Variants in HHIPL1 observed in about 807,000 individuals in gnomAD.
HHIPL1 encodes the protein HHIP-like protein 1.
Under a neutral mutation model 61.8 loss-of-function variants are expected in HHIPL1, and 43 were observed. The ratio of observed to expected loss-of-function variants is 0.70; its 90% confidence interval spans 0.55 to 0.90. The LOEUF (loss-of-function observed/expected upper bound fraction) is 0.90. HHIPL1 is among the 40% of genes least tolerant of loss of function. HHIPL1 has a pLI of 0.00. For missense variants in HHIPL1, 1,056 were observed against 1,157.7 expected (o/e 0.91, Z 1.28); for synonymous variants, 482 against 515.8 (o/e 0.93, Z 0.89).
At chr14:99,606,638 T>C in the HHIPL1 span, among the ~76,000 whole-genome samples, 4 of 152,186 alleles carry the variant, frequency 2.6e-5, no homozygotes, top group Non-Finnish European at 5.9e-5. Flanking sequence ...AAGTGAAGCC[T>C]CTATCTAGGT....
chr14:99,637,441 G>C, the HHIPL1 span, among the ~76,000 whole-genome samples: 2 of 151,830 alleles, frequency 1.3e-5, no homozygotes, highest in Non-Finnish European at 2.9e-5. Context: ...GCGTGATGGC[G>C]GGTGCCTCTA....
At chr14:99,642,767 G>A (rs546820819), upstream of HHIPL1, among the ~76,000 whole-genome samples, 11 of 151,996 alleles carry the variant, frequency 7.2e-5, no homozygotes, top group South Asian at 2.1e-4. Context: ...ATCGTGATCC[G>A]CCCACCTTGG....
the HHIPL1 span, among the ~76,000 whole-genome samples, chr14:99,638,906 G>A: frequency 1.3e-5 from 2 of 152,352 alleles, no homozygotes; most frequent in African/African-American, 4.8e-5. Flanking sequence ...GCTCCAGATG[G>A]CATTTGGTGG....
intron 3 of HHIPL1, among the ~76,000 whole-genome samples, chr14:99,658,436 G>A (rs562594179): frequency 3.9e-5 from 6 of 152,188 alleles, no homozygotes; most frequent in East Asian, 1.9e-4. Context: ...GGGTGGGAGC[G>A]TTTCATCACC....
intron 5 of HHIPL1, among the ~76,000 whole-genome samples, chr14:99,662,281 G>T (rs975856986): frequency 1.3e-5 from 2 of 152,158 alleles, no homozygotes; most frequent in East Asian, 3.9e-4. Flanking sequence ...CTTCACAGAG[G>T]AGGGGACATC....
intron 3 of HHIPL1, among the ~76,000 whole-genome samples, chr14:99,658,602 C>T (rs2056089355): frequency 6.6e-6 from 1 of 151,890 alleles, no homozygotes. Flanking sequence ...GAAACTGATG[C>T]ATTCAGTCGG....
chr14:99,607,762 G>A, the HHIPL1 span, among the ~76,000 whole-genome samples: 515 of 98,692 alleles, frequency 5.2e-3, 7 homozygotes, highest in South Asian at 0.033. Context: ...CTCTCAGTAC[G>A]TGACAGATTG....
the HHIPL1 span, among the ~76,000 whole-genome samples, chr14:99,612,904 C>T: frequency 2.6e-4 from 40 of 152,296 alleles, no homozygotes; most frequent in South Asian, 7.1e-3. Context: ...CTCACAAAGC[C>T]GCCCCACCTG....
chr14:99,637,050 GGAAGGAAGGAAAAA>G, the HHIPL1 span, among the ~76,000 whole-genome samples: 31 of 44,154 alleles, frequency 7.0e-4, no homozygotes, highest in African/African-American at 1.9e-3. Flanking sequence ...AAAGAAAGAA[GGAAGGAAGGAAAAA>G]AGAAAGAAAG....
rs938189036 is a variant in HHIPL1 at position 99,652,659 on chromosome 14, C to T, written c.691C>T (p.Pro231Ser). The change falls in exon 2 of 9, where the codon CCT becomes TCT. Residue 231 changes from proline (P) to serine (S), a missense_variant. Physicochemically the swap from Pro to Ser is moderately conservative, Grantham distance 74. Coordinates refer to ENST00000330710, the MANE Select transcript of HHIPL1 (RefSeq NM_001127258.3). ...YLPDRSRLGKPFLNISRVVLT... is the reference protein window; with the variant it reads ...YLPDRSRLGKSFLNISRVVLT... ...GCCCGACCGCTCGAGGCTGGGGAAGCCTTTCCTGAACATCAGCCGGGTGGT... is the reference window on the plus strand; with the variant it reads ...GCCCGACCGCTCGAGGCTGGGGAAGTCTTTCCTGAACATCAGCCGGGTGGT... 3.1e-6 allele frequency: 5 copies of T among 1,613,806 alleles called. No homozygotes were observed. Among genetic ancestry groups the T allele is most frequent in the Non-Finnish European group, 4.2e-6 (5 of 1,179,922 alleles).
At chr14:99,615,633 GAGAA>G in the HHIPL1 span, among the ~76,000 whole-genome samples, 211 of 93,522 alleles carry the variant, frequency 2.3e-3, 1 homozygote, top group African/African-American at 9.2e-3. Flanking sequence ...AAGGAAGAAA[GAGAA>G]AGAAAGGAAG....
At chr14:99,672,066 C>T (rs1440865373) in intron 7 of HHIPL1, among the ~76,000 whole-genome samples, 1 of 152,210 alleles carries the variant, frequency 6.6e-6, no homozygotes, top group Non-Finnish European at 1.5e-5. Flanking sequence ...AGTAAGCCTC[C>T]AGCCCTGGTG....
chr14:99,616,495 C>T, the HHIPL1 span, among the ~76,000 whole-genome samples: 12 of 152,084 alleles, frequency 7.9e-5, no homozygotes, highest in African/African-American at 2.4e-4. Flanking sequence ...CCTCCTCATC[C>T]GTAAGAGAAA....
the HHIPL1 span, among the ~76,000 whole-genome samples, chr14:99,607,395 G>A: frequency 6.6e-6 from 1 of 152,076 alleles, no homozygotes; most frequent in Non-Finnish European, 1.5e-5. Context: ...TACTGTAGGT[G>A]CCCAGGGAAA....
the HHIPL1 span, among the ~76,000 whole-genome samples, chr14:99,630,330 A>G: frequency 6.6e-6 from 1 of 152,194 alleles, no homozygotes; most frequent in Non-Finnish European, 1.5e-5. Flanking sequence ...AGTCCCTGTC[A>G]TTCCATCGCG....
At chr14:99,625,669 A>G in the HHIPL1 span, 6 of 152,184 alleles carry the variant, frequency 3.9e-5, no homozygotes, top group African/African-American at 1.4e-4. Flanking sequence ...TCCAATGCCC[A>G]TCTGCCCTGG....
At chr14:99,661,851 C>T (rs1255740658) in intron 5 of HHIPL1, among the ~76,000 whole-genome samples, 1 of 152,088 alleles carries the variant, frequency 6.6e-6, no homozygotes, top group Admixed American at 6.5e-5. Flanking sequence ...CATGAAGATG[C>T]CTGAAGCTAG....
intron 5 of HHIPL1, among the ~76,000 whole-genome samples, chr14:99,661,438 G>A (rs1389931546): frequency 6.6e-6 from 1 of 151,740 alleles, no homozygotes; most frequent in East Asian, 1.9e-4. Context: ...AGGAAGGAAG[G>A]AAGGAAGGAA....
At chr14:99,637,228 G>GAAAGAA in the HHIPL1 span, among the ~76,000 whole-genome samples, 1 of 145,068 alleles carries the variant, frequency 6.9e-6, no homozygotes, top group Non-Finnish European at 1.5e-5. Context: ...AAGAAAGAAA[G>GAAAGAA]AAAGAAAGAA....
Sources: allele counts gnomAD v4.1 joint callset (sites outside exome capture counted in the v4.1 genomes callset), GRCh38; gene constraint gnomAD v4.1.1; transcripts MANE v1.5; gene names NCBI Gene and HGNC (gene_info 2026-07-23, HGNC 2026-07-21).